Variants in ACOXL observed in about 807,000 individuals in gnomAD.
ACOXL encodes acyl-coenzyme A oxidase-like protein.
In ACOXL, 70 loss-of-function variants were observed where a neutral mutation model predicts 71.9. That is an observed-to-expected ratio of 0.97 (90% confidence interval 0.80 to 1.19). ACOXL has a LOEUF of 1.19. Among genes scored for constraint, ACOXL ranks in the 50% most tolerant of loss-of-function variants. The pLI is 0.00. For missense variants in ACOXL, 703 were observed against 736.3 expected, an observed-to-expected ratio of 0.95 and a Z score of 0.52; for synonymous variants, 253 against 281.6, an observed-to-expected ratio of 0.90 and a Z score of 1.02.
At chr2:110,744,529 G>A in intron 1 of ACOXL, among the ~76,000 whole-genome samples, 1 of 152,192 alleles carries the variant, frequency 6.6e-6, no homozygotes, top group East Asian at 1.9e-4. Context: ...CACAGTATCA[G>A]TGAGGTAAGC....
chr2:110,946,576 T>C (rs972346926), intron 12 of ACOXL, among the ~76,000 whole-genome samples: 12 of 152,144 alleles, frequency 7.9e-5, no homozygotes, highest in African/African-American at 2.9e-4. Flanking sequence ...CATATGAAAA[T>C]TGAGTTGTGT....
chr2:110,876,878 C>T (rs1008851297), intron 10 of ACOXL, among the ~76,000 whole-genome samples: 1 of 152,176 alleles, frequency 6.6e-6, no homozygotes, highest in Non-Finnish European at 1.5e-5. Context: ...GTGGAGCTGA[C>T]AGTCTAGTGG....
chr2:111,117,789 G>A lies in ACOXL; in HGVS notation c.1716G>A (p.Arg572=). 6.4e-7 allele frequency: 1 copy of A among 1,550,456 alleles called. No individual in the cohort carries two copies. Among genetic ancestry groups the A allele is most frequent in the Non-Finnish European group, 8.7e-7 (1 of 1,146,672 alleles). ...GGCCACGGGAAGAGGCGCGCTCCCG[G>A]CGGCCCAAGCTGGGAGCCAAGCTCT... ...QPRPREEARS[R]RPKLGAKL The change falls in exon 18 of 18, where the codon CGG becomes CGA. Residue 572 remains arginine, a synonymous_variant. Coordinates refer to ENST00000439055, the MANE Select transcript of ACOXL (RefSeq NM_001142807.4).
At chr2:110,963,592 TGTGTGTGTGTG>T (rs753874235) in intron 12 of ACOXL, 809 of 1,585,778 alleles carry the variant, frequency 5.1e-4, no homozygotes, top group African/African-American at 7.5e-4. Context: ...TGTGTGTGTG[TGTGTGTGTGTG>T]TTTTTCTCTT....
intron 2 of ACOXL, among the ~76,000 whole-genome samples, chr2:110,783,154 G>A (rs924781595): frequency 6.6e-6 from 1 of 152,180 alleles, no homozygotes; most frequent in African/African-American, 2.4e-5. Flanking sequence ...ACCTCCCTGA[G>A]CCTGGGATTT....
At chr2:111,009,031 G>A (rs555167652) in intron 14 of ACOXL, among the ~76,000 whole-genome samples, 3 of 152,066 alleles carry the variant, frequency 2.0e-5, no homozygotes, top group Non-Finnish European at 4.4e-5. Flanking sequence ...CTCCCAGTTC[G>A]TCACTTGTCT....
At chr2:110,929,324 C>A (rs531564761) in intron 11 of ACOXL, among the ~76,000 whole-genome samples, 1 of 152,236 alleles carries the variant, frequency 6.6e-6, no homozygotes, top group African/African-American at 2.4e-5. Flanking sequence ...AGACAGGTGG[C>A]ATTTTGCCCC....
At chr2:110,979,642 G>A (rs554510636) in intron 12 of ACOXL, among the ~76,000 whole-genome samples, 4 of 152,182 alleles carry the variant, frequency 2.6e-5, no homozygotes, top group African/African-American at 7.2e-5. Flanking sequence ...GCGGGGCAGG[G>A]GTACCCTCCC....
chr2:110,993,790 T>C (rs1299250514), intron 13 of ACOXL, among the ~76,000 whole-genome samples: 2 of 152,228 alleles, frequency 1.3e-5, no homozygotes, highest in Non-Finnish European at 2.9e-5. Context: ...TGGGCAACAC[T>C]TGATGTCAGT....
At chr2:110,900,013 G>A (rs1348454085) in intron 10 of ACOXL, among the ~76,000 whole-genome samples, 7 of 151,444 alleles carry the variant, frequency 4.6e-5, no homozygotes, top group Non-Finnish European at 1.0e-4. Flanking sequence ...TTGGGAAGAA[G>A]AAAATTGGCT....
intron 17 of ACOXL, among the ~76,000 whole-genome samples, chr2:111,106,166 T>A (rs1253841704): frequency 6.6e-6 from 1 of 152,192 alleles, no homozygotes; most frequent in East Asian, 1.9e-4. Flanking sequence ...TTTTTAAAAA[T>A]AATTACACAC....
chr2:110,944,299 C>T (rs897574297), intron 12 of ACOXL, among the ~76,000 whole-genome samples: 7 of 151,628 alleles, frequency 4.6e-5, no homozygotes, highest in African/African-American at 1.7e-4. Flanking sequence ...AGTCATCCAC[C>T]TGCTTCAGCC....
chr2:110,902,239 G>T (rs977562737), intron 10 of ACOXL, among the ~76,000 whole-genome samples: 2 of 152,176 alleles, frequency 1.3e-5, no homozygotes, highest in Admixed American at 1.3e-4. Flanking sequence ...GGAGGCCCAG[G>T]TGGGCAGATC....
intron 12 of ACOXL, chr2:110,963,590 TGTGTGTGTGTGTG>T (rs752847129): frequency 1.2e-5 from 19 of 1,604,938 alleles, no homozygotes; most frequent in African/African-American, 5.4e-5. Flanking sequence ...TGTGTGTGTG[TGTGTGTGTGTGTG>T]TTTTTCTCTT....
intron 13 of ACOXL, among the ~76,000 whole-genome samples, chr2:110,992,003 A>T (rs1385104268): frequency 6.6e-6 from 1 of 152,150 alleles, no homozygotes; most frequent in Admixed American, 6.5e-5. Context: ...TTGTTCCCCA[A>T]CTGGCCACAA....
intron 10 of ACOXL, among the ~76,000 whole-genome samples, chr2:110,895,083 A>ATG (rs1230039838): frequency 2.6e-5 from 4 of 152,264 alleles, no homozygotes; most frequent in Non-Finnish European, 5.9e-5. Flanking sequence ...TAACACCAAA[A>ATG]TAACAGAGAT....
At chr2:110,999,141 A>G (rs572639446) in intron 14 of ACOXL, among the ~76,000 whole-genome samples, 20 of 152,166 alleles carry the variant, frequency 1.3e-4, no homozygotes, top group Non-Finnish European at 5.9e-5. Context: ...TTCAAGATCA[A>G]GGTTCCCAAA....
chr2:110,777,737 C>T (rs1203662172), intron 2 of ACOXL, among the ~76,000 whole-genome samples: 1 of 152,140 alleles, frequency 6.6e-6, no homozygotes, highest in African/African-American at 2.4e-5. Flanking sequence ...CTGGGTGAGC[C>T]GGGGTTGACA....
In ACOXL at chr2:110,837,233, T is replaced by C. The variant is rs1471580789; in HGVS notation, c.754-4138T>C. Among the ~76,000 whole-genome samples, 4 of 152,114 alleles carry C rather than the reference T, an allele frequency of 2.6e-5. No homozygotes were observed. In the East Asian group the frequency reaches 7.7e-4, roughly 29 times the overall value. ...TTCCTGGTCTCTCCTTTTCACCTGC[T>C]CTTGGCAGCCATGTGTGAGAGAGCA... is the stretch of plus-strand genomic sequence containing the variant. On this transcript the variant is annotated intron_variant, in intron 9 of 17. Coordinates refer to ENST00000439055, the MANE Select transcript of ACOXL (RefSeq NM_001142807.4).
Sources: gnomAD v4.1 joint callset for allele counts (sites outside exome capture counted in the v4.1 genomes callset) on GRCh38, gnomAD v4.1.1 for gene constraint, MANE v1.5 for transcripts, NCBI Gene and HGNC (gene_info 2026-07-23, HGNC 2026-07-21) for gene names.